The following TBC1D5 variants were observed in gnomAD, a reference collection of about 807,000 sequenced individuals.
TBC1D5 encodes TBC1 domain family member 5, also known as TBC1 domain family, member 5.
A neutral mutation model predicts 100.3 loss-of-function variants in TBC1D5; 75 were observed. The observed-to-expected ratio is 0.75, with a 90% confidence interval of 0.62 to 0.91. The LOEUF (loss-of-function observed/expected upper bound fraction) is 0.91. Ranked by LOEUF, TBC1D5 falls within the 40% of genes least tolerant of loss-of-function variation. The pLI is 0.00. For missense variants in TBC1D5, 910 were observed against 942.4 expected (o/e 0.97, Z 0.45); for synonymous variants, 323 against 325.6 (o/e 0.99, Z 0.09).
chr3:17,231,335 C>T (rs964961076), intron 17 of TBC1D5, among the ~76,000 whole-genome samples: 3 of 151,814 alleles, frequency 2.0e-5, no homozygotes, highest in Non-Finnish European at 2.9e-5. Flanking sequence ...TGATTGCAAC[C>T]TACACTGCAA....
At chr3:17,668,786 A>G (rs2067577878) in intron 1 of TBC1D5, among the ~76,000 whole-genome samples, 1 of 151,864 alleles carries the variant, frequency 6.6e-6, no homozygotes, top group Admixed American at 6.6e-5. Flanking sequence ...ACTGCTGTCA[A>G]TGCTCCCCAG....
At chr3:17,165,802 A>C (rs1481088995) in intron 21 of TBC1D5, among the ~76,000 whole-genome samples, 1 of 152,232 alleles carries the variant, frequency 6.6e-6, no homozygotes, top group Non-Finnish European at 1.5e-5. Context: ...GTGGGAAATG[A>C]ACAATCTTTT....
chr3:17,725,226 T>C (rs193169603), intron 1 of TBC1D5, among the ~76,000 whole-genome samples: 181 of 152,272 alleles, frequency 1.2e-3, no homozygotes, highest in African/African-American at 4.2e-3. Flanking sequence ...AGCCTAAAAT[T>C]AAAATGTATT....
intron 2 of TBC1D5, among the ~76,000 whole-genome samples, chr3:17,513,035 T>TA (rs898026659): frequency 3.9e-5 from 6 of 151,988 alleles, no homozygotes; most frequent in East Asian, 1.9e-4. Context: ...ATTTTCCATG[T>TA]AAAAAAAATC....
At chr3:17,331,053 C>A (rs2086800103) in intron 13 of TBC1D5, among the ~76,000 whole-genome samples, 1 of 152,086 alleles carries the variant, frequency 6.6e-6, no homozygotes, top group Non-Finnish European at 1.5e-5. Flanking sequence ...CTAGTCTGGC[C>A]TCTCTTCAGT....
chr3:17,470,293 G>C (rs1431642309), intron 3 of TBC1D5, among the ~76,000 whole-genome samples: 2 of 152,102 alleles, frequency 1.3e-5, no homozygotes, highest in Non-Finnish European at 2.9e-5. Context: ...GGTACATTGG[G>C]TAATGGTAAC....
chr3:17,243,330 T>A (rs2076460471), intron 16 of TBC1D5, among the ~76,000 whole-genome samples: 1 of 152,172 alleles, frequency 6.6e-6, no homozygotes, highest in Non-Finnish European at 1.5e-5. Flanking sequence ...GATCAAAGGC[T>A]AAAGAGATAC....
chr3:17,164,255 C>G (rs557674078), intron 21 of TBC1D5, among the ~76,000 whole-genome samples: 38 of 152,348 alleles, frequency 2.5e-4, no homozygotes, highest in Non-Finnish European at 5.0e-4. Flanking sequence ...TGAGGAAGGG[C>G]ATCGGCAGGA....
At chr3:17,685,505 T>C (rs2070144397) in intron 1 of TBC1D5, among the ~76,000 whole-genome samples, 1 of 151,980 alleles carries the variant, frequency 6.6e-6, no homozygotes, top group South Asian at 2.1e-4. Context: ...TATCACAACC[T>C]ACAAAGCTAC....
At chr3:17,701,844 C>T (rs1011645342) in intron 1 of TBC1D5, among the ~76,000 whole-genome samples, 1 of 150,678 alleles carries the variant, frequency 6.6e-6, no homozygotes, top group African/African-American at 2.4e-5. Context: ...ACCAGACTAG[C>T]TTTTTCTTTT....
At chr3:17,409,795 G>A (rs540500519) in intron 4 of TBC1D5, among the ~76,000 whole-genome samples, 143 of 152,278 alleles carry the variant, frequency 9.4e-4, no homozygotes, top group African/African-American at 3.3e-3. Context: ...TGAGAAAGGT[G>A]AGGAAGCTGC....
chr3:17,335,778 G>T (rs1221024735), intron 13 of TBC1D5, among the ~76,000 whole-genome samples: 3 of 152,090 alleles, frequency 2.0e-5, no homozygotes, highest in Non-Finnish European at 4.4e-5. Context: ...TTCAAGTGAT[G>T]AATTCCCTTA....
intron 1 of TBC1D5, among the ~76,000 whole-genome samples, chr3:17,668,329 C>T: frequency 6.6e-6 from 1 of 151,718 alleles, no homozygotes; most frequent in East Asian, 1.9e-4. Flanking sequence ...TAACTTAATA[C>T]CCGCTTAGAT....
At chr3:17,510,499 G>A (rs2095891991) in intron 2 of TBC1D5, among the ~76,000 whole-genome samples, 2 of 151,942 alleles carry the variant, frequency 1.3e-5, no homozygotes, top group African/African-American at 4.8e-5. Flanking sequence ...AACCTAGACG[G>A]TTGTCAGTTA....
intron 1 of TBC1D5, among the ~76,000 whole-genome samples, chr3:17,734,874 C>T (rs2076838950): frequency 6.6e-6 from 1 of 151,920 alleles, no homozygotes; most frequent in African/African-American, 2.4e-5. Flanking sequence ...TAGCTTGAGC[C>T]CCGACGTTTG....
chr3:17,404,581 T>C, intron 7 of TBC1D5, 113 bp downstream of exon 7: 1 of 932,660 alleles, frequency 1.1e-6, no homozygotes. Flanking sequence ...GTATGTGGAA[T>C]AAAGAAAACA....
intron 19 of TBC1D5, among the ~76,000 whole-genome samples, chr3:17,180,647 C>T (rs2068335231): frequency 6.6e-6 from 1 of 152,074 alleles, no homozygotes; most frequent in African/African-American, 2.4e-5. Context: ...AACTGGAGGC[C>T]ATTATGCTAA....
At chr3:17,411,759 T>C (rs1276777140) in intron 4 of TBC1D5, among the ~76,000 whole-genome samples, 1 of 152,156 alleles carries the variant, frequency 6.6e-6, no homozygotes, top group African/African-American at 2.4e-5. Context: ...TTTGTTAGCT[T>C]AAATAAGACC....
At chr3:17,689,716 A>G (rs2070839680) in intron 1 of TBC1D5, among the ~76,000 whole-genome samples, 1 of 152,204 alleles carries the variant, frequency 6.6e-6, no homozygotes, top group Non-Finnish European at 1.5e-5. Flanking sequence ...ATACAATAGT[A>G]GTTGTCAACT....
Sources: gnomAD v4.1 joint callset for allele counts (sites outside exome capture counted in the v4.1 genomes callset) on GRCh38, gnomAD v4.1.1 for gene constraint, MANE v1.5 for transcripts, NCBI Gene and HGNC (gene_info 2026-07-23, HGNC 2026-07-21) for gene names.